The following UNC13B variants were observed in gnomAD, a reference collection of about 807,000 sequenced individuals.
UNC13B encodes protein unc-13 homolog B.
UNC13B carries 144 observed loss-of-function variants against 211.0 expected under a neutral mutation model. The observed-to-expected ratio is 0.68, with a 90% confidence interval of 0.60 to 0.78. UNC13B has a LOEUF of 0.78. UNC13B is among the 30% of genes least tolerant of loss of function. The pLI is 0.00. For synonymous variants in UNC13B, 709 were observed against 725.8 expected (o/e 0.98, Z 0.37); for missense variants, 1,777 against 2,002.0 (o/e 0.89, Z 2.14).
chr9:35,219,920 A>C lies in UNC13B; in HGVS notation c.23-8095A>C, dbSNP rs142346241. On this transcript the variant is annotated intron_variant, in intron 1 of 39. Coordinates refer to ENST00000635942, the MANE Select transcript of UNC13B (RefSeq NM_001371189.2). Reference sequence around the variant, plus strand: ...ATATGTCTATTTGTCTATCATGCAGATATTCATTCTCTTATTTTTTTCTGA... The same window carrying C: ...ATATGTCTATTTGTCTATCATGCAGCTATTCATTCTCTTATTTTTTTCTGA... 5.8e-3 allele frequency among the ~76,000 whole-genome samples: 884 copies of C among 152,174 alleles called. 1 individual carries two copies. Among genetic ancestry groups the C allele is most frequent in the Non-Finnish European group, 0.01 (696 of 68,016 alleles).
chr9:35,270,888 C>G (rs1189992467), intron 7 of UNC13B, among the ~76,000 whole-genome samples: 1 of 152,096 alleles, frequency 6.6e-6, no homozygotes, highest in African/African-American at 2.4e-5. Flanking sequence ...TGCCTGTAAT[C>G]CCAGCACTCT....
At chr9:35,365,966 T>G (rs1833744672) in intron 11 of UNC13B, among the ~76,000 whole-genome samples, 1 of 148,102 alleles carries the variant, frequency 6.8e-6, no homozygotes, top group Non-Finnish European at 1.5e-5. Flanking sequence ...CTCCTCTGTA[T>G]TGCCTCATTG....
intron 1 of UNC13B, among the ~76,000 whole-genome samples, chr9:35,197,012 C>T (rs1429663117): frequency 6.6e-6 from 1 of 152,086 alleles, no homozygotes; most frequent in African/African-American, 2.4e-5. Flanking sequence ...CTCAAGCATT[C>T]CTCCTGCTTC....
Position 35,162,216 on chromosome 9 carries a change from T to C in UNC13B, c.-68T>C. 6.5e-7 allele frequency: 1 copy of C among 1,541,240 alleles called. No homozygotes were observed. Among genetic ancestry groups the C allele is most frequent in the Non-Finnish European group, 8.7e-7 (1 of 1,146,392 alleles). ...CGGTAACGAGAGCAGTCGCGGCACC[T>C]GCTGAGAGGAAAGAGGGAGCGGTCC... is the stretch of plus-strand genomic sequence containing the variant. On this transcript the variant is annotated 5_prime_UTR_variant, in exon 1 of 40. Transcript: ENST00000635942.
chr9:35,310,288 G>A (rs1830119606), intron 9 of UNC13B, among the ~76,000 whole-genome samples, 179 bp from the exon 10 acceptor site: 1 of 152,158 alleles, frequency 6.6e-6, no homozygotes, highest in South Asian at 2.1e-4. Flanking sequence ...TTTTCCTGTT[G>A]TGTTTTCGCT....
At chr9:35,266,298 C>CA (rs1247310818) in intron 7 of UNC13B, among the ~76,000 whole-genome samples, 2 of 152,210 alleles carry the variant, frequency 1.3e-5, no homozygotes, top group Non-Finnish European at 2.9e-5. Flanking sequence ...ATGGCCCCTC[C>CA]ACTACCCAGT....
rs575606201 is a variant in UNC13B at position 35,360,186 on chromosome 9, T to A, written c.9415-6761T>A. ...TAACAACCATTTTTTGGATTTTTAA[T>A]AACAACTCTACCTCCATCATCAGGG... On this transcript the variant is annotated intron_variant, in intron 11 of 39. Transcript: ENST00000635942. Among the ~76,000 whole-genome samples the A allele has an allele frequency of 2.5e-4, 38 of 152,382 alleles. No individual in the cohort carries two copies. In the South Asian group the frequency reaches 7.2e-3, roughly 29 times the overall value.
At chr9:35,191,211 C>T (rs969046543) in intron 1 of UNC13B, among the ~76,000 whole-genome samples, 3 of 152,110 alleles carry the variant, frequency 2.0e-5, no homozygotes, top group African/African-American at 7.2e-5. Context: ...CTCTGCCTCC[C>T]AAAGTGCAGG....
chr9:35,377,436 A>G (rs755356105), intron 15 of UNC13B, 32 bp from the exon 16 acceptor site: 18 of 1,609,668 alleles, frequency 1.1e-5, no homozygotes, highest in Non-Finnish European at 1.5e-5. Context: ...TTGGTCTGGT[A>G]GGTGACCTGT....
intron 25 of UNC13B, among the ~76,000 whole-genome samples, chr9:35,390,304 C>T (rs564477349): frequency 3.2e-4 from 48 of 152,322 alleles, no homozygotes; most frequent in African/African-American, 1.0e-3. Flanking sequence ...AGCCCACCCC[C>T]ACTTGCCCTT....
intron 36 of UNC13B, among the ~76,000 whole-genome samples, 168 bp downstream of exon 36, chr9:35,399,897 A>T (rs1349665238): frequency 6.6e-6 from 1 of 152,198 alleles, no homozygotes. Flanking sequence ...TAAATTCAAG[A>T]TGCTTATCAT....
rs143020862 is a variant in UNC13B at position 35,298,429 on chromosome 9, A to G, written c.762-1737A>G. On this transcript the variant is annotated intron_variant, in intron 8 of 39. Coordinates refer to ENST00000635942, the MANE Select transcript of UNC13B (RefSeq NM_001371189.2). ...GAGCAAGACTCTGTCTCAGTCAATC[A>G]ATACAAAATTCACCAGACCATAGGA... is the stretch of plus-strand genomic sequence containing the variant. Among the ~76,000 whole-genome samples the G allele has an allele frequency of 2.4e-3, 360 of 152,292 alleles. 2 individuals are homozygous for G. The highest frequency in any genetic ancestry group is 8.2e-3 in the African/African-American group (341 of 41,558).
At chr9:35,388,792 C>T (rs918391484) in intron 24 of UNC13B, among the ~76,000 whole-genome samples, 6 of 152,298 alleles carry the variant, frequency 3.9e-5, no homozygotes, top group East Asian at 3.9e-4. Flanking sequence ...CTGTATTGAA[C>T]GCCGTTGAAG....
intron 27 of UNC13B, 85 bp downstream of exon 27, chr9:35,396,687 G>A (rs1835902375): frequency 1.2e-6 from 2 of 1,601,620 alleles, no homozygotes; most frequent in Non-Finnish European, 1.7e-6. Context: ...CAGCAAGCCA[G>A]TCTCGGGGAC....
intron 11 of UNC13B, among the ~76,000 whole-genome samples, chr9:35,343,479 T>C (rs1832147610): frequency 6.6e-6 from 1 of 152,178 alleles, no homozygotes; most frequent in Admixed American, 6.5e-5. Context: ...AGAAGCGGGG[T>C]ACCGTGAAAG....
At chr9:35,312,610 A>C (rs369893494) in intron 10 of UNC13B, among the ~76,000 whole-genome samples, 1 of 152,200 alleles carries the variant, frequency 6.6e-6, no homozygotes, top group South Asian at 2.1e-4. Flanking sequence ...CTTGGCCAGA[A>C]GTGCCCACAA....
At position 35,231,873 on chromosome 9, in the gene UNC13B, C is replaced by T. The variant is rs117859919; in HGVS notation, c.152+654C>T. Reference sequence around the variant, plus strand: ...GTTTCAGGATTTTTTTGTTCCTGTTCTACAAAAGGGGAGAAAAGTATAGAA... The same window carrying T: ...GTTTCAGGATTTTTTTGTTCCTGTTTTACAAAAGGGGAGAAAAGTATAGAA... On this transcript the variant is annotated intron_variant, in intron 3 of 39. Transcript: ENST00000635942. Among the ~76,000 whole-genome samples, 86 of 151,702 alleles carry T rather than the reference C, an allele frequency of 5.7e-4. 1 individual carries two copies. In the East Asian group the frequency reaches 0.016, roughly 29 times the overall value.
In UNC13B at chr9:35,399,527, T is replaced by C. The variant is rs550567570; in HGVS notation, c.12255+79T>C. 16 of 1,605,816 alleles carry C rather than the reference T, an allele frequency of 1.0e-5. No homozygotes were observed. In the African/African-American group the frequency reaches 1.6e-4, roughly 16 times the overall value. ...GAGAGGGTGGCTGCGGGGAAGGAAA[T>C]TGGAGCTTTGGAGACTGAAGAGGAA... On this transcript the variant is annotated intron_variant, in intron 35 of 39. Coordinates refer to ENST00000635942, the MANE Select transcript of UNC13B (RefSeq NM_001371189.2).
chr9:35,234,383 A>G (rs1156672131), intron 3 of UNC13B, among the ~76,000 whole-genome samples: 2 of 152,184 alleles, frequency 1.3e-5, no homozygotes, highest in Non-Finnish European at 2.9e-5. Flanking sequence ...GCCTCCCAAC[A>G]TACTGAGATT....
Sources: allele counts gnomAD v4.1 joint callset (sites outside exome capture counted in the v4.1 genomes callset), GRCh38; gene constraint gnomAD v4.1.1; transcripts MANE v1.5; gene names NCBI Gene and HGNC (gene_info 2026-07-23, HGNC 2026-07-21).